RBM39: variants seen among roughly 807,000 people sequenced by gnomAD.
RBM39 encodes the protein RNA-binding protein 39.
In RBM39, 12 loss-of-function variants were observed where a neutral mutation model predicts 79.6. That is an observed-to-expected ratio of 0.15 (90% CI 0.10 to 0.24). The LOEUF (loss-of-function observed/expected upper bound fraction) is 0.24. Ranked by LOEUF, RBM39 falls within the 10% of genes least tolerant of loss-of-function variation. The pLI is 1.00. For synonymous variants in RBM39, 185 were observed against 208.4 expected (o/e 0.89, Z 0.97); for missense variants, 243 against 653.4 (o/e 0.37, Z 6.85).
At chr20:35,734,853 G>A (rs2039740014) in intron 3 of RBM39, 1 of 1,450,726 alleles carries the variant, frequency 6.9e-7, no homozygotes, top group South Asian at 1.5e-5. Context: ...AACTAAAGAA[G>A]GGTTATCGAA....
In RBM39 at chr20:35,702,969, A is replaced by G. The variant is rs2035353041; in HGVS notation, c.*1512T>C. 1 of 152,036 alleles carries G rather than the reference A, an allele frequency of 6.6e-6. No homozygotes were observed. Among genetic ancestry groups the G allele is most frequent in the African/African-American group, 2.4e-5 (1 of 41,416 alleles). The allele number at this position is 152,036 out of a possible 1,614,324, so 9.4% of individuals were successfully genotyped here. On this transcript the variant is annotated 3_prime_UTR_variant, in exon 17 of 17. Transcript: ENST00000253363. ...TACAAATTAAATCACTAGAACAATT[A>G]TTGGGATAAATGTCAAACAAAACGA...
In RBM39 at chr20:35,703,183, A is replaced by G. The variant is rs1466138411; in HGVS notation, c.*1298T>C. 1 of 152,210 alleles carries G rather than the reference A, an allele frequency of 6.6e-6. No homozygotes were observed. The highest frequency in any genetic ancestry group is 1.5e-5 in the Non-Finnish European group (1 of 68,040). 9.4% of individuals were successfully genotyped at this position (152,210 alleles called of 1,614,324 possible). A position where few individuals can be genotyped will look rare whatever the true frequency, so the allele number is the denominator to read the frequency against. On this transcript the variant is annotated 3_prime_UTR_variant, in exon 17 of 17. Coordinates refer to ENST00000253363, the MANE Select transcript of RBM39 (RefSeq NM_184234.3). The stretch of plus-strand genomic sequence containing the variant: ...TATAAATGGTGACAGCTTGCTTCCC[A>G]ACTAGTATGAAAGCTCAAAACCCCT...
At chr20:35,723,377 GGTCCCGCCAAT>G (rs1187262308) in intron 8 of RBM39, among the ~76,000 whole-genome samples, 1 of 152,092 alleles carries the variant, frequency 6.6e-6, no homozygotes, top group African/African-American at 2.4e-5. Context: ...CTCAGCCCTG[GGTCCCGCCAAT>G]GCACACCCAG....
intron 14 of RBM39, among the ~76,000 whole-genome samples, 162 bp downstream of exon 14, chr20:35,706,958 C>T (rs537479654): frequency 1.5e-5 from 2 of 133,436 alleles, no homozygotes; most frequent in Non-Finnish European, 3.1e-5. Flanking sequence ...ACCCAGGAGG[C>T]GGAGGTTGCA....
intron 1 of RBM39, 77 bp from the exon 2 acceptor site, chr20:35,740,964 T>TATAGGCAAC: frequency 1.0e-6 from 1 of 998,378 alleles, no homozygotes; most frequent in Non-Finnish European, 1.5e-6. Context: ...TTGTTGCCTA[T>TATAGGCAAC]ATCGTCTAAC....
intron 3 of RBM39, chr20:35,734,914 GTCTT>G: frequency 6.3e-7 from 1 of 1,576,006 alleles, no homozygotes; most frequent in Non-Finnish European, 8.6e-7. Context: ...ACTTTCCAAA[GTCTT>G]TAATGGCAGT....
Position 35,738,960 on chromosome 20 carries a change from A to C in RBM39, c.101+8T>G, listed in dbSNP as rs1250484959. ...CCACCCTCCCCCAAGCCCCTTCTTA[A>C]AACTCACTTTTTGCTACGTTCTTCA... On this transcript the variant is annotated splice_region_variant and intron_variant, in intron 3 of 16. Transcript: ENST00000253363. 6.2e-7 allele frequency: 1 copy of C among 1,610,404 alleles called. No homozygotes were observed.
intron 9 of RBM39, 134 bp downstream of exon 9, chr20:35,721,606 A>G: frequency 1.0e-6 from 1 of 999,076 alleles, no homozygotes; most frequent in Admixed American, 2.9e-5. Context: ...GTTGTCACAG[A>G]AATTTTTATA....
intron 14 of RBM39, among the ~76,000 whole-genome samples, chr20:35,706,381 C>T (rs551176577): frequency 2.2e-4 from 34 of 152,168 alleles, no homozygotes; most frequent in East Asian, 3.9e-4. Context: ...ATACTTACAA[C>T]GAAAGTTTAT....
intron 13 of RBM39, 67 bp downstream of exon 13, chr20:35,709,155 GAA>G (rs2036111657): frequency 7.2e-7 from 1 of 1,394,078 alleles, no homozygotes; most frequent in South Asian, 1.3e-5. Context: ...AATAAATATA[GAA>G]AACTGTCTTA....
At chr20:35,727,378 A>G (rs1336829305) in intron 6 of RBM39, among the ~76,000 whole-genome samples, 4 of 150,112 alleles carry the variant, frequency 2.7e-5, no homozygotes, top group Non-Finnish European at 5.9e-5. Context: ...ATAAAAAAGC[A>G]AATGCTTTCT....
chr20:35,705,007 G>A (rs559037438), intron 15 of RBM39: 2 of 587,746 alleles, frequency 3.4e-6, no homozygotes, highest in Non-Finnish European at 5.9e-6. Flanking sequence ...GGCAAGCTTT[G>A]AGCATTACTA....
chr20:35,723,821 A>G (rs1028567789), intron 8 of RBM39, among the ~76,000 whole-genome samples: 2 of 152,224 alleles, frequency 1.3e-5, no homozygotes, highest in Non-Finnish European at 2.9e-5. Flanking sequence ...CCAGAGGATC[A>G]CTTGAGCATG....
At chr20:35,722,729 C>G (rs1009847379) in intron 8 of RBM39, among the ~76,000 whole-genome samples, 22 of 148,622 alleles carry the variant, frequency 1.5e-4, no homozygotes, top group African/African-American at 5.2e-4. Context: ...GTCAGGAGAT[C>G]AAGACCATCC....
At chr20:35,716,260 G>T (rs1239136801) in intron 10 of RBM39, among the ~76,000 whole-genome samples, 1 of 152,086 alleles carries the variant, frequency 6.6e-6, no homozygotes. Flanking sequence ...TTTTACTAGA[G>T]ACGGGGTTTC....
chr20:35,727,462 C>T (rs940393891), intron 6 of RBM39, among the ~76,000 whole-genome samples: 35 of 149,950 alleles, frequency 2.3e-4, no homozygotes, highest in East Asian at 3.9e-4. Context: ...GAACCGAAAT[C>T]GTAGACTGAA....
chr20:35,735,147 G>A (rs1027319040), intron 3 of RBM39: 5 of 1,414,364 alleles, frequency 3.5e-6, no homozygotes, highest in Middle Eastern at 2.2e-4. Context: ...CCACACCACA[G>A]TAGCCAATAT....
intron 3 of RBM39, among the ~76,000 whole-genome samples, chr20:35,733,438 T>C (rs984614508): frequency 2.0e-5 from 3 of 151,826 alleles, no homozygotes; most frequent in African/African-American, 7.3e-5. Flanking sequence ...TGAAAACCCA[T>C]CTCTACTAAA....
rs148008886 is a variant in RBM39 at position 35,713,137 on chromosome 20, C to T, written c.1097-41G>A. 14,420 of 1,543,446 alleles carry T rather than the reference C, an allele frequency of 9.3e-3. 80 individuals are homozygous for T. The highest frequency in any genetic ancestry group is 0.013 in the Middle Eastern group (73 of 5,818). On this transcript the variant is annotated intron_variant, in intron 11 of 16. Transcript: ENST00000253363. ...CTTAAAGTTCCTACTATGTTGAGAG[C>T]AGAGAAACGAAGTTTCCTGGGTCAT...
Sources: gnomAD v4.1 joint callset for allele counts (sites outside exome capture counted in the v4.1 genomes callset) on GRCh38, gnomAD v4.1.1 for gene constraint, MANE v1.5 for transcripts, NCBI Gene and HGNC (gene_info 2026-07-23, HGNC 2026-07-21) for gene names.